Variants in NMT1 observed in about 807,000 individuals in gnomAD.
NMT1 encodes the protein glycylpeptide N-tetradecanoyltransferase 1.
NMT1 carries 12 observed loss-of-function variants against 63.4 expected under a neutral mutation model. The observed-to-expected ratio is 0.19, with a 90% confidence interval of 0.12 to 0.31. The LOEUF (loss-of-function observed/expected upper bound fraction) is 0.31, where lower values mean the gene tolerates loss of function less well. Among genes scored for constraint, NMT1 ranks in the 10% least tolerant of loss-of-function variants. NMT1 has a pLI of 1.00. For synonymous variants in NMT1, 228 were observed against 234.3 expected (o/e 0.97, Z 0.25); for missense variants, 432 against 634.6 (o/e 0.68, Z 3.43).
Position 45,105,717 on chromosome 17 carries a change from T to G in NMT1, c.*78T>G. On this transcript the variant is annotated 3_prime_UTR_variant, in exon 12 of 12. Coordinates refer to ENST00000258960, the MANE Select transcript of NMT1 (RefSeq NM_021079.5). This position sits in a 1 kb window ranked among gnomAD's most constrained non-coding sequence, Gnocchi z 4.2. Reference sequence around the variant, plus strand: ...TGGAACCCCACCACTGTTGGTCCAATTTTCACACACGTGAGAATCCCTGGC... The same window carrying G: ...TGGAACCCCACCACTGTTGGTCCAAGTTTCACACACGTGAGAATCCCTGGC... The G allele has an allele frequency of 1.4e-6, 2 of 1,419,196 alleles. No individual in the cohort carries two copies. The highest frequency in any genetic ancestry group is 2.0e-6 in the Non-Finnish European group (2 of 1,010,440). The allele number at this position is 1,419,196 out of a possible 1,614,324, so 87.9% of individuals were successfully genotyped here. A position where few individuals can be genotyped will look rare whatever the true frequency, so the allele number is the denominator to read the frequency against.
intron 8 of NMT1, chr17:45,099,839 A>C (rs1278348685): frequency 6.9e-6 from 2 of 290,314 alleles, no homozygotes; most frequent in African/African-American, 4.3e-5. Context: ...GTGAACCTTC[A>C]TACACACGGC....
intron 1 of NMT1, among the ~76,000 whole-genome samples, chr17:45,079,510 G>A (rs2030673185): frequency 6.6e-6 from 1 of 152,194 alleles, no homozygotes; most frequent in South Asian, 2.1e-4. Context: ...TAGAATTTGA[G>A]ACCAGCCTGG....
chr17:45,061,783 C>T (rs1246168927), intron 1 of NMT1: 1 of 211,434 alleles, frequency 4.7e-6, no homozygotes, highest in Non-Finnish European at 9.6e-6. Flanking sequence ...AGTCTAGTAA[C>T]AGTACAGTTC....
intron 1 of NMT1, among the ~76,000 whole-genome samples, chr17:45,063,297 T>A (rs1420236149): frequency 6.6e-6 from 1 of 151,888 alleles, no homozygotes; most frequent in Non-Finnish European, 1.5e-5. Context: ...TCTGTTGCTG[T>A]AACTCACAAC....
chr17:45,061,546 C>G (rs900111061), intron 1 of NMT1, 86 bp downstream of exon 1: 4 of 1,196,202 alleles, frequency 3.3e-6, no homozygotes, highest in African/African-American at 3.0e-5. Context: ...GGAGCTTAGT[C>G]TAGCCCCACC....
At chr17:45,094,130 C>G (rs1310551100) in intron 4 of NMT1, among the ~76,000 whole-genome samples, 1 of 152,092 alleles carries the variant, frequency 6.6e-6, no homozygotes, top group African/African-American at 2.4e-5. Flanking sequence ...GAGGCCCTGT[C>G]CTCCCCTTTC....
intron 1 of NMT1, among the ~76,000 whole-genome samples, chr17:45,070,455 T>C (rs2053932712): frequency 6.6e-6 from 1 of 152,178 alleles, no homozygotes; most frequent in Admixed American, 6.6e-5. Context: ...TCTCGCTCTG[T>C]CACCCAGGCT....
intron 1 of NMT1, among the ~76,000 whole-genome samples, chr17:45,069,054 A>G (rs1027313963): frequency 2.0e-5 from 3 of 151,648 alleles, no homozygotes; most frequent in Non-Finnish European, 2.9e-5. Context: ...TCTGCCACCC[A>G]GGTTCAAGCG....
intron 1 of NMT1, 62 bp downstream of exon 1, chr17:45,061,522 C>G (rs1480757913): frequency 1.8e-5 from 27 of 1,496,788 alleles, no homozygotes; most frequent in Non-Finnish European, 2.4e-5. Flanking sequence ...CTCTGGGGTG[C>G]GGGGAAGTCA....
In NMT1 at chr17:45,103,655, G is replaced by A; in HGVS notation, c.1165-54G>A. The A allele has an allele frequency of 6.5e-7, 1 of 1,537,780 alleles. No individual in the cohort carries two copies. The highest frequency in any genetic ancestry group is 8.8e-7 in the Non-Finnish European group (1 of 1,135,274). Reference sequence around the variant, plus strand: ...AGTGAGAGAAACATTTTGTTCCCGGGCCGCAGTGCCACTGTGCATGCTTGA... The same window carrying A: ...AGTGAGAGAAACATTTTGTTCCCGGACCGCAGTGCCACTGTGCATGCTTGA... On this transcript the variant is annotated intron_variant, in intron 9 of 11. Transcript: ENST00000258960. This position sits in a 1 kb window ranked among gnomAD's most constrained non-coding sequence, Gnocchi z 4.8.
chr17:45,089,485 G>A (rs1047778469), intron 3 of NMT1, among the ~76,000 whole-genome samples: 2 of 151,942 alleles, frequency 1.3e-5, no homozygotes, highest in African/African-American at 4.8e-5. Flanking sequence ...GGGATTACAG[G>A]TGCCCACCAC....
intron 5 of NMT1, among the ~76,000 whole-genome samples, 156 bp from the exon 6 acceptor site, chr17:45,096,972 C>A (rs1430112454): frequency 2.0e-5 from 3 of 152,216 alleles, no homozygotes; most frequent in African/African-American, 7.2e-5. Context: ...TGGCTCGATT[C>A]TGTGTGTCCA....
Position 45,104,681 on chromosome 17 carries a change from C to CA in NMT1, c.1333-177dup. On this transcript the variant is annotated intron_variant, in intron 10 of 11. Coordinates refer to ENST00000258960, the MANE Select transcript of NMT1 (RefSeq NM_021079.5). The surrounding 1 kb of genome is among the most constrained non-coding windows in gnomAD (Gnocchi z 4.2). ...CAGAGGCCAGGCTGGAGGGGGCGCTCAGAGTGTCCTGAGAACCACCCGGAG... is the reference window on the plus strand; with the variant it reads ...CAGAGGCCAGGCTGGAGGGGGCGCTCAAGAGTGTCCTGAGAACCACCCGGAG... 7.0e-7 allele frequency: 1 copy of CA among 1,433,932 alleles called. No individual in the cohort carries two copies. The highest frequency in any genetic ancestry group is 9.1e-7 in the Non-Finnish European group (1 of 1,096,836). The allele number at this position is 1,433,932 out of a possible 1,614,324, so 88.8% of individuals were successfully genotyped here.
chr17:45,072,542 G>A (rs1003540407), intron 1 of NMT1, among the ~76,000 whole-genome samples: 1 of 151,216 alleles, frequency 6.6e-6, no homozygotes, highest in Non-Finnish European at 1.5e-5. Context: ...TGGGATTACA[G>A]GTGTGAGCCA....
chr17:45,079,154 G>A (rs942562278), intron 1 of NMT1, among the ~76,000 whole-genome samples: 2 of 150,730 alleles, frequency 1.3e-5, no homozygotes, highest in Non-Finnish European at 3.0e-5. Flanking sequence ...CCCAGAGCTG[G>A]AGTGCAATGG....
At chr17:45,086,863 C>G (rs1335431223) in intron 3 of NMT1, among the ~76,000 whole-genome samples, 2 of 152,006 alleles carry the variant, frequency 1.3e-5, no homozygotes, top group Non-Finnish European at 2.9e-5. Context: ...ACCTTGAGAA[C>G]AAATAATGAT....
intron 8 of NMT1, among the ~76,000 whole-genome samples, chr17:45,101,329 C>T (rs115904545): frequency 1.4e-5 from 2 of 147,794 alleles, no homozygotes; most frequent in Admixed American, 6.7e-5. Flanking sequence ...AGTAGGGATT[C>T]TTAAAATCCC....
chr17:45,078,499 T>C (rs1339529262), intron 1 of NMT1, among the ~76,000 whole-genome samples: 1 of 152,118 alleles, frequency 6.6e-6, no homozygotes, highest in African/African-American at 2.4e-5. Flanking sequence ...TATATATATA[T>C]ACACAGTATC....
chr17:45,088,075 G>A (rs533675179), intron 3 of NMT1, among the ~76,000 whole-genome samples: 6 of 152,254 alleles, frequency 3.9e-5, no homozygotes, highest in Non-Finnish European at 7.3e-5. Flanking sequence ...ATAGAAGCAA[G>A]CTGAGGAGGT....
Sources: gnomAD v4.1 joint callset for allele counts (sites outside exome capture counted in the v4.1 genomes callset) on GRCh38, gnomAD v4.1.1 for gene constraint, Gnocchi (gnomAD v3.1) non-coding constraint, MANE v1.5 for transcripts, NCBI Gene and HGNC (gene_info 2026-07-23, HGNC 2026-07-21) for gene names.